Variants in LRRC7 observed in about 807,000 individuals in gnomAD.
The protein encoded by LRRC7 is leucine-rich repeat-containing protein 7.
Under a neutral mutation model 175.7 loss-of-function variants are expected in LRRC7, and 23 were observed. That is an observed-to-expected ratio of 0.13 (90% CI 0.09 to 0.19). The LOEUF (loss-of-function observed/expected upper bound fraction) is 0.19, where lower values mean the gene tolerates loss of function less well. Ranked by LOEUF, LRRC7 falls within the 10% of genes least tolerant of loss-of-function variation. The probability of loss-of-function intolerance (pLI) is 1.00; values close to 1 mark genes in which losing one functional copy is unlikely to be tolerated. For synonymous variants in LRRC7, 685 were observed against 680.9 expected, an observed-to-expected ratio of 1.01 and a Z score of -0.09; for missense variants, 1,354 against 1,904.7, an observed-to-expected ratio of 0.71 and a Z score of 5.38.
intron 2 of LRRC7, among the ~76,000 whole-genome samples, chr1:69,741,142 C>A (rs913338850): frequency 2.0e-5 from 3 of 151,932 alleles, no homozygotes; most frequent in African/African-American, 7.2e-5. Flanking sequence ...AAGTGCTGAG[C>A]TCACTGAGCT....
chr1:69,977,601 C>T (rs536139672), intron 8 of LRRC7, among the ~76,000 whole-genome samples: 2 of 152,264 alleles, frequency 1.3e-5, no homozygotes, highest in East Asian at 1.9e-4. Flanking sequence ...CTTTGTATTT[C>T]CCAGGCTTCC....
intron 7 of LRRC7, among the ~76,000 whole-genome samples, chr1:69,881,082 TATCAC>T (rs1473477354): frequency 3.3e-5 from 5 of 152,214 alleles, no homozygotes; most frequent in Non-Finnish European, 7.3e-5. Flanking sequence ...TCTAAAATGT[TATCAC>T]ATCATATTTT....
intron 1 of LRRC7, among the ~76,000 whole-genome samples, chr1:69,589,132 GTGTGTGT>G (rs762918115): frequency 2.8e-3 from 427 of 151,154 alleles, no homozygotes; most frequent in Non-Finnish European, 4.7e-3. Context: ...GTGTGTGTGT[GTGTGTGT>G]GTGTGTGTGT....
intron 26 of LRRC7, among the ~76,000 whole-genome samples, chr1:70,114,116 G>A (rs903773180): frequency 2.0e-5 from 3 of 151,732 alleles, no homozygotes; most frequent in Non-Finnish European, 2.9e-5. Flanking sequence ...ATGAAGTGTT[G>A]GACCCTTAAA....
chr1:69,624,452 TC>T (rs1232291574), intron 1 of LRRC7, among the ~76,000 whole-genome samples: 1 of 152,102 alleles, frequency 6.6e-6, no homozygotes, highest in African/African-American at 2.4e-5. Flanking sequence ...AAATATCTTC[TC>T]CCACTCCATA....
At chr1:70,060,609 A>G (rs1366181814) in intron 23 of LRRC7, among the ~76,000 whole-genome samples, 3 of 152,300 alleles carry the variant, frequency 2.0e-5, no homozygotes, top group East Asian at 3.9e-4. Flanking sequence ...GGAAAAAAAT[A>G]GATGGCAGAA....
intron 11 of LRRC7, among the ~76,000 whole-genome samples, chr1:70,008,312 A>G (rs989426516): frequency 1.3e-5 from 2 of 152,192 alleles, no homozygotes; most frequent in Non-Finnish European, 1.5e-5. Context: ...CACTGACTCA[A>G]ATGTTAATCT....
At chr1:69,591,907 T>C (rs1211324256) in intron 1 of LRRC7, among the ~76,000 whole-genome samples, 1 of 152,122 alleles carries the variant, frequency 6.6e-6, no homozygotes, top group Non-Finnish European at 1.5e-5. Flanking sequence ...TCATTTCTTC[T>C]TTTATTTCCT....
At chr1:70,022,721 A>G (rs1465969852) in intron 16 of LRRC7, among the ~76,000 whole-genome samples, 1 of 152,202 alleles carries the variant, frequency 6.6e-6, no homozygotes, top group Non-Finnish European at 1.5e-5. Flanking sequence ...ATAAATCATC[A>G]TGGAAGTATG....
At chr1:69,671,723 C>T (rs907539250) in intron 1 of LRRC7, among the ~76,000 whole-genome samples, 1 of 152,158 alleles carries the variant, frequency 6.6e-6, no homozygotes, top group African/African-American at 2.4e-5. Context: ...CGTTTAAAAA[C>T]TCCCTCTGTG....
At chr1:69,823,549 G>T (rs1176182017) in intron 4 of LRRC7, among the ~76,000 whole-genome samples, 1 of 151,338 alleles carries the variant, frequency 6.6e-6, no homozygotes, top group Non-Finnish European at 1.5e-5. Context: ...GGGAAAAAAA[G>T]TGTGTGTGTG....
intron 8 of LRRC7, among the ~76,000 whole-genome samples, chr1:69,932,567 C>T (rs1355061566): frequency 6.6e-6 from 1 of 152,192 alleles, no homozygotes; most frequent in African/African-American, 2.4e-5. Context: ...TTACTTCAAC[C>T]ATAGCTAATC....
At chr1:69,594,163 A>T (rs1646749403) in intron 1 of LRRC7, among the ~76,000 whole-genome samples, 1 of 152,208 alleles carries the variant, frequency 6.6e-6, no homozygotes, top group Non-Finnish European at 1.5e-5. Flanking sequence ...GACATACTAC[A>T]TACCCATCTA....
Position 69,652,878 on chromosome 1 carries a change from A to T in LRRC7, c.3-25503A>T, listed in dbSNP as rs545565008. ...TTGTCAATGGCATCAAGACTATTCA[A>T]TGGGGAAAGGATAGTTTCTTCAAGA... On this transcript the variant is annotated intron_variant, in intron 1 of 26. Transcript: ENST00000651989. 1.7e-3 allele frequency among the ~76,000 whole-genome samples: 265 copies of T among 152,258 alleles called. 1 individual carries two copies. The highest frequency in any genetic ancestry group is 6.1e-3 in the African/African-American group (253 of 41,574).
chr1:70,060,334 A>C (rs686587), intron 23 of LRRC7, among the ~76,000 whole-genome samples: 33,077 of 148,582 alleles, frequency 0.22, 3,858 homozygotes, highest in Non-Finnish European at 0.26. Context: ...CCACCCCCCC[A>C]AAAAAAAATC....
At chr1:69,589,789 T>C (rs917883495) in intron 1 of LRRC7, among the ~76,000 whole-genome samples, 39 of 152,074 alleles carry the variant, frequency 2.6e-4, no homozygotes, top group African/African-American at 8.9e-4. Context: ...TCCCTTGGGG[T>C]GGGAAATCAG....
chr1:70,043,311 C>G (rs1422667825), intron 21 of LRRC7, among the ~76,000 whole-genome samples: 1 of 151,668 alleles, frequency 6.6e-6, no homozygotes, highest in East Asian at 1.9e-4. Context: ...TTTTAAGAAA[C>G]AAAAAATAGA....
chr1:69,976,775 G>T (rs568158874), intron 8 of LRRC7, among the ~76,000 whole-genome samples: 3 of 152,100 alleles, frequency 2.0e-5, no homozygotes, highest in Admixed American at 1.3e-4. Context: ...TCAAGTATTA[G>T]TGTCCCTTAA....
chr1:69,973,085 A>AT (rs1491350281), intron 8 of LRRC7, among the ~76,000 whole-genome samples: 25 of 147,242 alleles, frequency 1.7e-4, no homozygotes, highest in Admixed American at 3.4e-4. Context: ...ATATATATAT[A>AT]AAAAAATACT....
Sources: allele counts gnomAD v4.1 joint callset (sites outside exome capture counted in the v4.1 genomes callset), GRCh38; gene constraint gnomAD v4.1.1; transcripts MANE v1.5; gene names NCBI Gene and HGNC (gene_info 2026-07-23, HGNC 2026-07-21).